ABLIM1: variants seen among roughly 807,000 people sequenced by gnomAD.
The protein encoded by ABLIM1 is actin-binding LIM protein 1.
A neutral mutation model predicts 107.0 loss-of-function variants in ABLIM1; 40 were observed. That is an observed-to-expected ratio of 0.37 (90% CI 0.29 to 0.49). The LOEUF is 0.49. Ranked by LOEUF, ABLIM1 falls within the 20% of genes least tolerant of loss-of-function variation. The probability of loss-of-function intolerance (pLI) is 0.97; values close to 1 mark genes in which losing one functional copy is unlikely to be tolerated. For synonymous variants in ABLIM1, 357 were observed against 357.3 expected, an observed-to-expected ratio of 1.00 and a Z score of 0.01; for missense variants, 857 against 1,008.5, an observed-to-expected ratio of 0.85 and a Z score of 2.04.
chr10:114,787,218 G>A, the ABLIM1 span, among the ~76,000 whole-genome samples: 2 of 151,506 alleles, frequency 1.3e-5, no homozygotes, highest in African/African-American at 4.9e-5. Flanking sequence ...CCTCTGCCTG[G>A]CAACCGCCCT....
At chr10:114,715,013 G>A (rs182492324) in intron 1 of ABLIM1, among the ~76,000 whole-genome samples, 1 of 152,108 alleles carries the variant, frequency 6.6e-6, no homozygotes, top group East Asian at 1.9e-4. Flanking sequence ...AGGAGAGAAG[G>A]AAAGAAAAAT....
At chr10:114,665,742 C>T (rs1289557045) in intron 1 of ABLIM1, among the ~76,000 whole-genome samples, 1 of 152,182 alleles carries the variant, frequency 6.6e-6, no homozygotes, top group African/African-American at 2.4e-5. Flanking sequence ...GTACTTAAAA[C>T]CACAAATTTG....
intron 1 of ABLIM1, among the ~76,000 whole-genome samples, chr10:114,724,262 T>C (rs2081911656): frequency 6.6e-6 from 1 of 152,158 alleles, no homozygotes; most frequent in Non-Finnish European, 1.5e-5. Flanking sequence ...TTGAGTAAGT[T>C]GCTTAATTTT....
At chr10:114,615,656 T>C (rs181719160) in intron 1 of ABLIM1, 166 of 431,856 alleles carry the variant, frequency 3.8e-4, no homozygotes, top group African/African-American at 3.2e-3. Flanking sequence ...CCTGGCTTTC[T>C]GTCTCTTTTC....
chr10:114,681,607 C>G (rs1013578642), intron 1 of ABLIM1, among the ~76,000 whole-genome samples: 3 of 152,234 alleles, frequency 2.0e-5, no homozygotes, highest in African/African-American at 7.2e-5. Context: ...CCTTCTAACT[C>G]TCTACGCCAC....
At chr10:114,537,763 T>C (rs1339170646) in intron 6 of ABLIM1, among the ~76,000 whole-genome samples, 1 of 152,208 alleles carries the variant, frequency 6.6e-6, no homozygotes, top group Non-Finnish European at 1.5e-5. Context: ...TCAGATAACA[T>C]GATCCTCAAA....
rs35168530 is a variant in ABLIM1, at chr10:114,641,247, TAAAAAAAAA to T, written c.244+16701_244+16709del. On this transcript the variant is annotated intron_variant, in intron 1 of 22. Coordinates refer to ENST00000533213, the MANE Select transcript of ABLIM1 (RefSeq NM_002313.7). ...GAGAAAGTCACTGTGAAGCCAATCA[TAAAAAAAAA>T]AAAAAAAAAAAAAAAAAAAGTGGAC... Among the ~76,000 whole-genome samples, 252 of 37,078 alleles carry T rather than the reference TAAAAAAAAA, an allele frequency of 6.8e-3. 1 individual carries two copies. The highest frequency in any genetic ancestry group is 0.02 in the Middle Eastern group (1 of 50). 24.3% of individuals were successfully genotyped at this position (37,078 alleles called of 152,430 possible).
intron 2 of ABLIM1, among the ~76,000 whole-genome samples, chr10:114,590,749 G>A (rs182197433): frequency 1.1e-4 from 17 of 152,248 alleles, no homozygotes; most frequent in Admixed American, 9.2e-4. Flanking sequence ...GGGACCTACA[G>A]GGAAAGGATG....
In ABLIM1 at chr10:114,758,820, T is replaced by G. The variant is rs533584918; in HGVS notation, c.-213+9241A>C. Among the ~76,000 whole-genome samples the G allele has an allele frequency of 7.2e-5, 11 of 152,302 alleles. No individual in the cohort carries two copies. The East Asian group carries it at 1.9e-3, about 27-fold the overall frequency. On this transcript the variant is annotated intron_variant, in intron 1 of 15. Coordinates refer to the ABLIM1 transcript ENST00000651092. ...TGATATTTTCTTTAGGAAAAACTAT[T>G]TAAAAATTGACCCTAACACAGGTAA...
At chr10:114,440,023 G>T in intron 20 of ABLIM1, 59 bp downstream of exon 20, 1 of 1,613,266 alleles carries the variant, frequency 6.2e-7, no homozygotes, top group Non-Finnish European at 8.5e-7. Flanking sequence ...AGCAGTCTGG[G>T]TTGGAACATG....
chr10:114,755,518 T>C (rs2082610657), intron 1 of ABLIM1, among the ~76,000 whole-genome samples: 1 of 152,192 alleles, frequency 6.6e-6, no homozygotes, highest in African/African-American at 2.4e-5. Flanking sequence ...CATGTGGTGC[T>C]AAAAGCTCTC....
intron 6 of ABLIM1, among the ~76,000 whole-genome samples, chr10:114,519,691 C>A (rs79964090): frequency 0.023 from 3,574 of 152,274 alleles, 146 homozygotes; most frequent in African/African-American, 0.082. Context: ...GGGGTCCCTG[C>A]TCTTTGTGAT....
intron 1 of ABLIM1, among the ~76,000 whole-genome samples, chr10:114,604,665 G>A (rs10787540): frequency 0.66 from 100,671 of 152,122 alleles, 34,240 homozygotes; most frequent in East Asian, 0.88. Context: ...ATATGAATAC[G>A]CCAGCTATGG....
intron 8 of ABLIM1, among the ~76,000 whole-genome samples, chr10:114,482,104 C>T (rs1199118577): frequency 6.6e-6 from 1 of 152,160 alleles, no homozygotes; most frequent in African/African-American, 2.4e-5. Context: ...TGACACCCCC[C>T]AGATTATTAC....
chr10:114,793,582 C>CTGT, the ABLIM1 span, among the ~76,000 whole-genome samples: 29 of 152,242 alleles, frequency 1.9e-4, no homozygotes, highest in Non-Finnish European at 3.1e-4. Context: ...GACAGTGGCC[C>CTGT]CAGCTCCTGC....
the ABLIM1 span, among the ~76,000 whole-genome samples, chr10:114,782,718 T>A: frequency 6.6e-6 from 1 of 152,076 alleles, no homozygotes; most frequent in African/African-American, 2.4e-5. Context: ...GAAGAAGAAT[T>A]GAAGTTCAGA....
chr10:114,776,217 G>A, the ABLIM1 span: 2 of 151,762 alleles, frequency 1.3e-5, no homozygotes, highest in African/African-American at 4.8e-5. Context: ...GCAGTTTGAA[G>A]ATGTGTCATT....
In ABLIM1 at chr10:114,434,179, T is replaced by TAA. The variant is rs2059137755; in HGVS notation, c.*2079_*2080dup. On this transcript the variant is annotated 3_prime_UTR_variant, in exon 23 of 23. Transcript: ENST00000533213. ...AAGAAGCCACTGAGACACCAAAGGCTAAACTGCAAACTGCAGTGTGGCTTC... is the reference window on the plus strand; with the variant it reads ...AAGAAGCCACTGAGACACCAAAGGCTAAAAACTGCAAACTGCAGTGTGGCTTC... 8 of 152,256 alleles carry TAA rather than the reference T, an allele frequency of 5.3e-5. No individual in the cohort carries two copies. In the South Asian group the frequency reaches 1.7e-3, roughly 32 times the overall value. 9.4% of individuals were successfully genotyped at this position (152,256 alleles called of 1,614,324 possible).
the ABLIM1 span, among the ~76,000 whole-genome samples, chr10:114,799,103 A>G: frequency 6.6e-6 from 1 of 152,162 alleles, no homozygotes; most frequent in Non-Finnish European, 1.5e-5. Context: ...CAGCCAGTAC[A>G]GTATACATTA....
Sources: gnomAD v4.1 joint callset for allele counts (sites outside exome capture counted in the v4.1 genomes callset) on GRCh38, gnomAD v4.1.1 for gene constraint, MANE v1.5 for transcripts, NCBI Gene and HGNC (gene_info 2026-07-23, HGNC 2026-07-21) for gene names.